The following ANKS1B variants were observed in gnomAD, a reference collection of about 807,000 sequenced individuals.
ANKS1B encodes ankyrin repeat and sterile alpha motif domain-containing protein 1B.
ANKS1B carries 36 observed loss-of-function variants against 148.3 expected under a neutral mutation model. The ratio of observed to expected loss-of-function variants is 0.24; its 90% CI spans 0.19 to 0.32. ANKS1B has a LOEUF of 0.32. Ranked by LOEUF, ANKS1B falls within the 10% of genes least tolerant of loss-of-function variation. The pLI, the probability that ANKS1B is intolerant of heterozygous loss-of-function variation, is 1.00. For missense variants in ANKS1B, 1,157 were observed against 1,542.6 expected (o/e 0.75, Z 4.19); for synonymous variants, 542 against 560.8 (o/e 0.97, Z 0.47).
At chr12:99,051,284 A>G (rs1171298159) in intron 17 of ANKS1B, among the ~76,000 whole-genome samples, 7 of 152,252 alleles carry the variant, frequency 4.6e-5, no homozygotes, top group African/African-American at 1.7e-4. Flanking sequence ...CAGTGAAAAC[A>G]TATAATAGAG....
chr12:99,492,386 G>T (rs1040215382), intron 10 of ANKS1B, among the ~76,000 whole-genome samples: 1 of 151,996 alleles, frequency 6.6e-6, no homozygotes, highest in Non-Finnish European at 1.5e-5. Context: ...CCAATAACAA[G>T]CTCCAAAATT....
chr12:99,212,388 C>T (rs1436966502), intron 14 of ANKS1B, among the ~76,000 whole-genome samples: 1 of 151,856 alleles, frequency 6.6e-6, no homozygotes, highest in Admixed American at 6.6e-5. Context: ...AAGTCAAAAG[C>T]CTAGCTAGGC....
intron 17 of ANKS1B, among the ~76,000 whole-genome samples, chr12:98,955,440 T>C (rs1354906522): frequency 6.6e-6 from 1 of 151,984 alleles, no homozygotes; most frequent in Admixed American, 6.6e-5. Context: ...AGGTCAGATA[T>C]TACATCTCAA....
intron 14 of ANKS1B, among the ~76,000 whole-genome samples, chr12:99,205,913 C>A (rs1376635290): frequency 6.6e-6 from 1 of 152,128 alleles, no homozygotes; most frequent in Non-Finnish European, 1.5e-5. Context: ...TTGAGGCATG[C>A]CTCAGGTGTC....
chr12:98,950,560 C>T (rs1218306953), intron 17 of ANKS1B, among the ~76,000 whole-genome samples: 1 of 152,054 alleles, frequency 6.6e-6, no homozygotes, highest in Non-Finnish European at 1.5e-5. Flanking sequence ...CCTAAGGAAA[C>T]TGATTAATGG....
chr12:99,923,515 A>G (rs1008721948), intron 1 of ANKS1B, among the ~76,000 whole-genome samples: 4 of 152,202 alleles, frequency 2.6e-5, no homozygotes, highest in African/African-American at 7.2e-5. Context: ...GTTTTAACAA[A>G]GCCCTTCTGA....
At chr12:99,570,520 G>A (rs1195549525) in intron 9 of ANKS1B, among the ~76,000 whole-genome samples, 1 of 151,942 alleles carries the variant, frequency 6.6e-6, no homozygotes, top group East Asian at 1.9e-4. Flanking sequence ...GGTGGCGGGT[G>A]CCTGTAGTCC....
At chr12:99,467,556 A>G (rs914548070) in intron 10 of ANKS1B, among the ~76,000 whole-genome samples, 1 of 152,204 alleles carries the variant, frequency 6.6e-6, no homozygotes, top group Non-Finnish European at 1.5e-5. Flanking sequence ...TCTCAGCCCA[A>G]AATCTCCTTA....
At chr12:99,621,282 T>C (rs1298006738) in intron 9 of ANKS1B, among the ~76,000 whole-genome samples, 1 of 151,972 alleles carries the variant, frequency 6.6e-6, no homozygotes, top group Admixed American at 6.6e-5. Flanking sequence ...CAATACCTGC[T>C]ACCACAAAAG....
intron 14 of ANKS1B, among the ~76,000 whole-genome samples, chr12:99,172,108 G>A (rs2077834838): frequency 6.6e-6 from 1 of 152,148 alleles, no homozygotes; most frequent in Admixed American, 6.6e-5. Context: ...AAGGAAGATG[G>A]TGTTCCAGGC....
In ANKS1B at chr12:99,594,695, C is replaced by T. The variant is rs186246862; in HGVS notation, c.1272+60372G>A. ...AACTCACAGAGGCATAGAGTAGAAT[C>T]GTGGTTGGTACGGGCTGGGGAGAGG... On this transcript the variant is annotated intron_variant, in intron 9 of 26. Transcript: ENST00000683438. Among the ~76,000 whole-genome samples the T allele has an allele frequency of 2.0e-3, 305 of 151,994 alleles. 3 individuals are homozygous for T. Among genetic ancestry groups the T allele is most frequent in the African/African-American group, 7.0e-3 (291 of 41,518 alleles).
Position 99,405,899 on chromosome 12 carries a change from T to A in ANKS1B, c.1576-6088A>T, listed in dbSNP as rs1336339532. On this transcript the variant is annotated intron_variant, in intron 11 of 26. Coordinates refer to ENST00000683438, the MANE Select transcript of ANKS1B (RefSeq NM_001352186.2). Reference sequence around the variant, plus strand: ...AAGAGCAGTCGTAGCTATACTGATATGACAAAATAGATTTCAAGAAAAAAC... The same window carrying A: ...AAGAGCAGTCGTAGCTATACTGATAAGACAAAATAGATTTCAAGAAAAAAC... Among the ~76,000 whole-genome samples the A allele has an allele frequency of 3.4e-5, 5 of 145,240 alleles. 1 individual carries two copies. Among genetic ancestry groups the A allele is most frequent in the Non-Finnish European group, 7.6e-5 (5 of 65,692 alleles).
At chr12:99,824,247 C>T (rs1380344454) in intron 2 of ANKS1B, among the ~76,000 whole-genome samples, 1 of 151,992 alleles carries the variant, frequency 6.6e-6, no homozygotes, top group Non-Finnish European at 1.5e-5. Flanking sequence ...TGGTAGCTCA[C>T]AATCGGCACT....
At chr12:99,518,788 C>T (rs1327624175) in intron 9 of ANKS1B, among the ~76,000 whole-genome samples, 1 of 151,954 alleles carries the variant, frequency 6.6e-6, no homozygotes, top group African/African-American at 2.4e-5. Context: ...TTTGCTCTAG[C>T]TTTTCTAATT....
At chr12:99,948,003 C>T (rs2095114439) in intron 1 of ANKS1B, among the ~76,000 whole-genome samples, 1 of 152,150 alleles carries the variant, frequency 6.6e-6, no homozygotes, top group African/African-American at 2.4e-5. Context: ...TGTTCAAAGG[C>T]CCATGTGACT....
chr12:99,065,685 A>ATCC (rs2044044535), intron 16 of ANKS1B, among the ~76,000 whole-genome samples: 1 of 125,202 alleles, frequency 8.0e-6, no homozygotes, highest in African/African-American at 2.6e-5. Flanking sequence ...CCATCCATCC[A>ATCC]ACCATCCATC....
At chr12:99,469,119 G>T (rs1049574450) in intron 10 of ANKS1B, among the ~76,000 whole-genome samples, 37 of 152,106 alleles carry the variant, frequency 2.4e-4, no homozygotes, top group African/African-American at 8.7e-4. Flanking sequence ...CATAAAAAAG[G>T]ATGAGTTCAT....
intron 11 of ANKS1B, among the ~76,000 whole-genome samples, chr12:99,430,715 A>C (rs1327717913): frequency 6.6e-6 from 1 of 152,228 alleles, no homozygotes; most frequent in Non-Finnish European, 1.5e-5. Context: ...TCCTCTTCAG[A>C]GACATAATAA....
chr12:99,522,773 G>A (rs2096887589), intron 9 of ANKS1B, among the ~76,000 whole-genome samples: 1 of 152,182 alleles, frequency 6.6e-6, no homozygotes, highest in African/African-American at 2.4e-5. Context: ...TTTAATACAA[G>A]TATGATATTT....
Sources: allele counts gnomAD v4.1 joint callset (sites outside exome capture counted in the v4.1 genomes callset), GRCh38; gene constraint gnomAD v4.1.1; transcripts MANE v1.5; gene names NCBI Gene and HGNC (gene_info 2026-07-23, HGNC 2026-07-21).